The following NSMAF variants were observed in gnomAD, a reference collection of about 807,000 sequenced individuals.
NSMAF encodes the protein neutral sphingomyelinase activation associated factor, also known as protein FAN.
In NSMAF, 90 loss-of-function variants were observed where a neutral mutation model predicts 134.9. The ratio of observed to expected loss-of-function variants is 0.67; its 90% CI spans 0.56 to 0.79. The LOEUF (loss-of-function observed/expected upper bound fraction) is 0.79, where lower values mean the gene tolerates loss of function less well. Among genes scored for constraint, NSMAF ranks in the 30% least tolerant of loss-of-function variants. NSMAF has a pLI of 0.00. For synonymous variants in NSMAF, 358 were observed against 389.6 expected (o/e 0.92, Z 0.96); for missense variants, 1,010 against 1,119.0 (o/e 0.90, Z 1.39).
chr8:58,589,353 G>T, intron 26 of NSMAF, 99 bp downstream of exon 26: 1 of 903,918 alleles, frequency 1.1e-6, no homozygotes, highest in South Asian at 4.0e-5. Flanking sequence ...ATAGGTAGTT[G>T]AGTGGCTTAT....
chr8:58,589,322 G>A (rs1805971718), intron 26 of NSMAF, 130 bp downstream of exon 26: 1 of 535,268 alleles, frequency 1.9e-6, no homozygotes, highest in Non-Finnish European at 2.8e-6. Flanking sequence ...AAAAAGAGTG[G>A]AGTGACTGAA....
At chr8:58,595,410 T>C in intron 22 of NSMAF, 150 bp downstream of exon 22, 1 of 587,280 alleles carries the variant, frequency 1.7e-6, no homozygotes, top group Non-Finnish European at 3.1e-6. Context: ...TGGAGATCAC[T>C]ATAGACATTT....
At chr8:58,606,519 G>A (rs1403713028) in intron 11 of NSMAF, among the ~76,000 whole-genome samples, 1 of 152,120 alleles carries the variant, frequency 6.6e-6, no homozygotes, top group African/African-American at 2.4e-5. Context: ...AGGCTCAATT[G>A]ATCCTCCCAC....
At chr8:58,602,491 C>T (rs982860380) in intron 13 of NSMAF, among the ~76,000 whole-genome samples, 2 of 152,026 alleles carry the variant, frequency 1.3e-5, no homozygotes, top group Non-Finnish European at 1.5e-5. Context: ...TTTCTACATT[C>T]GAATTCTAGT....
rs1341778531 is a variant in NSMAF at position 58,600,006 on chromosome 8, C to A, written c.1296G>T (p.Trp432Cys). 6.2e-7 allele frequency: 1 copy of A among 1,613,606 alleles called. No individual in the cohort carries two copies. The highest frequency in any genetic ancestry group is 2.2e-5 in the East Asian group (1 of 44,898). ...DRMFNSIAET[W>C]KNCLDGATDF... ...CCGTTGCACCATCCAGACAGTTTTT[C>A]CAAGTTTCTGCAATACTACATATGA... is the stretch of plus-strand genomic sequence containing the variant. Residue 432 changes from tryptophan to cysteine, a missense_variant, in exon 17 of 31, where the codon TGG (tryptophan) becomes TGT (cysteine). Coordinates refer to ENST00000038176, the MANE Select transcript of NSMAF (RefSeq NM_003580.4).
intron 2 of NSMAF, chr8:58,637,448 T>C (rs1285114148): frequency 4.4e-6 from 2 of 455,830 alleles, no homozygotes; most frequent in Non-Finnish European, 8.8e-6. Flanking sequence ...AACACAAAGG[T>C]GCCCACTCTT....
intron 5 of NSMAF, among the ~76,000 whole-genome samples, chr8:58,631,869 TG>T (rs547831164): frequency 1.7e-3 from 265 of 152,280 alleles, no homozygotes; most frequent in African/African-American, 6.1e-3. Flanking sequence ...ATCCAAGTGC[TG>T]ATTTTTTAAG....
chr8:58,641,325 T>C (rs1388157491), intron 2 of NSMAF, among the ~76,000 whole-genome samples: 2 of 152,240 alleles, frequency 1.3e-5, no homozygotes, highest in Non-Finnish European at 2.9e-5. Flanking sequence ...AAAATGTTTA[T>C]ATGGTTCCAA....
At chr8:58,624,389 G>A (rs771814748) in intron 6 of NSMAF, among the ~76,000 whole-genome samples, 7 of 151,898 alleles carry the variant, frequency 4.6e-5, no homozygotes, top group Non-Finnish European at 7.4e-5. Flanking sequence ...CTTTTTTAAC[G>A]TAGACATTTA....
chr8:58,583,765 A>G lies in NSMAF; in HGVS notation c.*341T>C, dbSNP rs1805822274. On this transcript the variant is annotated 3_prime_UTR_variant, in exon 31 of 31. Coordinates refer to ENST00000038176, the MANE Select transcript of NSMAF (RefSeq NM_003580.4). ...TGCACATTTTCTTGGAAAATTTCTTAATTGTTCAGTGCTTTCTGACAAGTT... is the reference window on the plus strand; with the variant it reads ...TGCACATTTTCTTGGAAAATTTCTTGATTGTTCAGTGCTTTCTGACAAGTT... 1 of 272,704 alleles carries G rather than the reference A, an allele frequency of 3.7e-6. No individual in the cohort carries two copies. The highest frequency in any genetic ancestry group is 3.9e-5 in the South Asian group (1 of 25,878). 16.9% of individuals were successfully genotyped at this position (272,704 alleles called of 1,614,324 possible). A position where few individuals can be genotyped will look rare whatever the true frequency, so the allele number is the denominator to read the frequency against.
chr8:58,599,789 G>C lies in NSMAF; in HGVS notation c.1414C>G (p.Gln472Glu). ...KLDLGKRQGG[Q>E]MVDDVELPPW... ...GGAAGCTCCACGTCGTCAACCATCT[G>C]TCCTCCTTGTCTCTTTCCCAAATCC... The change falls in exon 18 of 31, where the codon CAG (glutamine) becomes GAG (glutamate). Residue 472 changes from glutamine (Q) to glutamate (E), a missense_variant. Physicochemically the swap from Gln to Glu is conservative, Grantham distance 29. Coordinates refer to ENST00000038176, the MANE Select transcript of NSMAF (RefSeq NM_003580.4). 6.2e-7 allele frequency: 1 copy of C among 1,614,046 alleles called. No individual in the cohort carries two copies. The highest frequency in any genetic ancestry group is 8.5e-7 in the Non-Finnish European group (1 of 1,179,936).
intron 6 of NSMAF, among the ~76,000 whole-genome samples, chr8:58,625,944 C>CAGGT: frequency 6.6e-6 from 1 of 151,700 alleles, no homozygotes; most frequent in Admixed American, 6.6e-5. Flanking sequence ...TTTTGTGGTA[C>CAGGT]AGGTGGTTTT....
At chr8:58,591,702 G>T (rs1806026976) in intron 23 of NSMAF, among the ~76,000 whole-genome samples, 1 of 151,844 alleles carries the variant, frequency 6.6e-6, no homozygotes. Context: ...GGCCAGGTTG[G>T]TCTCGAACTC....
chr8:58,619,739 T>C (rs985901976), intron 9 of NSMAF, among the ~76,000 whole-genome samples: 1 of 152,112 alleles, frequency 6.6e-6, no homozygotes, highest in African/African-American at 2.4e-5. Flanking sequence ...AGGAAAGACC[T>C]TTATGAAGAA....
intron 9 of NSMAF, among the ~76,000 whole-genome samples, chr8:58,617,144 G>A (rs577690647): frequency 1.3e-5 from 2 of 151,914 alleles, no homozygotes; most frequent in Admixed American, 1.3e-4. Context: ...GGGTAGAAAA[G>A]GGTAAATTTT....
intron 21 of NSMAF, among the ~76,000 whole-genome samples, chr8:58,596,408 CCTT>C (rs1333818861): frequency 6.6e-6 from 1 of 152,166 alleles, no homozygotes; most frequent in Non-Finnish European, 1.5e-5. Flanking sequence ...GTGTCAACCT[CCTT>C]CTGGAAGCCT....
intron 1 of NSMAF, among the ~76,000 whole-genome samples, chr8:58,644,660 G>A (rs923496130): frequency 6.6e-6 from 1 of 152,120 alleles, no homozygotes; most frequent in African/African-American, 2.4e-5. Flanking sequence ...AAAGAAACAG[G>A]CACACATATG....
At chr8:58,596,556 G>A (rs1806139110) in intron 21 of NSMAF, among the ~76,000 whole-genome samples, 1 of 152,166 alleles carries the variant, frequency 6.6e-6, no homozygotes, top group South Asian at 2.1e-4. Flanking sequence ...CATGCCCAGC[G>A]CAGAACAGAT....
chr8:58,631,952 G>C (rs1807065466), intron 5 of NSMAF, among the ~76,000 whole-genome samples: 1 of 152,068 alleles, frequency 6.6e-6, no homozygotes, highest in Non-Finnish European at 1.5e-5. Context: ...AGGTCATCTG[G>C]GCACATGGTG....
Sources: allele counts gnomAD v4.1 joint callset (sites outside exome capture counted in the v4.1 genomes callset), GRCh38; gene constraint gnomAD v4.1.1; transcripts MANE v1.5; gene names NCBI Gene and HGNC (gene_info 2026-07-23, HGNC 2026-07-21).